The following HIF1A variants were observed in gnomAD, a reference collection of about 807,000 sequenced individuals.
HIF1A encodes the protein hypoxia-inducible factor 1-alpha.
In HIF1A, 24 loss-of-function variants were observed where a neutral mutation model predicts 92.7. The observed-to-expected ratio is 0.26, with a 90% CI of 0.19 to 0.36. The LOEUF (loss-of-function observed/expected upper bound fraction) is 0.36. Among genes scored for constraint, HIF1A ranks in the 10% least tolerant of loss-of-function variants. The pLI is 1.00. For missense variants in HIF1A, 799 were observed against 998.5 expected (o/e 0.80, Z 2.69); for synonymous variants, 319 against 338.7 (o/e 0.94, Z 0.64).
chr14:61,724,076 G>C (rs2044467755), intron 4 of HIF1A, among the ~76,000 whole-genome samples: 1 of 151,226 alleles, frequency 6.6e-6, no homozygotes, highest in Non-Finnish European at 1.5e-5. Context: ...TATTTTTAGA[G>C]AGTTTAAAAT....
chr14:61,707,205 C>T (rs2044248594), intron 1 of HIF1A, among the ~76,000 whole-genome samples: 1 of 152,114 alleles, frequency 6.6e-6, no homozygotes, highest in Non-Finnish European at 1.5e-5. Context: ...ATTGGTAACA[C>T]CTAGTTGGTG....
intron 12 of HIF1A, among the ~76,000 whole-genome samples, chr14:61,742,184 A>G (rs2044719646): frequency 6.6e-6 from 1 of 152,218 alleles, no homozygotes; most frequent in Admixed American, 6.5e-5. Context: ...TTCTGTATAT[A>G]ATTTGTAAGG....
chr14:61,724,129 T>C (rs1019071189), intron 4 of HIF1A, among the ~76,000 whole-genome samples: 1 of 143,890 alleles, frequency 6.9e-6, no homozygotes, highest in East Asian at 2.0e-4. Context: ...TTGTTTTTTG[T>C]TTTTTTTTTC....
At chr14:61,716,657 C>T (rs1410086293) in intron 1 of HIF1A, among the ~76,000 whole-genome samples, 1 of 151,912 alleles carries the variant, frequency 6.6e-6, no homozygotes, top group Non-Finnish European at 1.5e-5. Flanking sequence ...TGTTCTTAAT[C>T]TGAAGAACAA....
At chr14:61,703,421 A>G (rs935976870) in intron 1 of HIF1A, among the ~76,000 whole-genome samples, 16 of 152,164 alleles carry the variant, frequency 1.1e-4, no homozygotes, top group African/African-American at 3.9e-4. Flanking sequence ...AACACAATCT[A>G]ATTTTGGTTT....
chr14:61,708,151 G>T (rs1382357509), intron 1 of HIF1A, among the ~76,000 whole-genome samples: 2 of 151,988 alleles, frequency 1.3e-5, no homozygotes, highest in African/African-American at 2.4e-5. Flanking sequence ...TTTTGATGGG[G>T]TTGTTTTTTT....
intron 4 of HIF1A, 110 bp from the exon 5 acceptor site, chr14:61,726,596 C>G (rs2044507834): frequency 1.6e-6 from 1 of 612,128 alleles, no homozygotes; most frequent in African/African-American, 1.9e-5. Flanking sequence ...CATGCTGAGA[C>G]TTAATTGAAC....
intron 1 of HIF1A, among the ~76,000 whole-genome samples, chr14:61,696,903 A>G (rs1373216168): frequency 6.6e-6 from 1 of 152,210 alleles, no homozygotes; most frequent in Non-Finnish European, 1.5e-5. Context: ...GTTTGAGTCT[A>G]AGGGGTACAT....
intron 12 of HIF1A, among the ~76,000 whole-genome samples, chr14:61,742,139 A>T (rs577852484): frequency 1.3e-5 from 2 of 152,234 alleles, no homozygotes; most frequent in African/African-American, 2.4e-5. Context: ...AGTTCAAACA[A>T]ACATATGGAC....
At chr14:61,720,637 T>C (rs2044415819) in intron 2 of HIF1A, 65 bp downstream of exon 2, 5 of 1,041,360 alleles carry the variant, frequency 4.8e-6, no homozygotes, top group Non-Finnish European at 5.5e-6. Flanking sequence ...ATAGAAATTA[T>C]TTTTAGAAGG....
chr14:61,743,637 T>G (rs1057305439), intron 12 of HIF1A, among the ~76,000 whole-genome samples: 1 of 152,246 alleles, frequency 6.6e-6, no homozygotes, highest in Admixed American at 6.5e-5. Flanking sequence ...ACTTACCTAT[T>G]TGGCATTCTC....
chr14:61,710,974 G>A (rs2044299464), intron 1 of HIF1A, among the ~76,000 whole-genome samples: 1 of 151,292 alleles, frequency 6.6e-6, no homozygotes, highest in Admixed American at 6.6e-5. Context: ...TTGAACCTGG[G>A]AGGCGGAGGT....
At chr14:61,726,685 T>A (rs2044508825) in intron 4 of HIF1A, 21 bp from the exon 5 acceptor site, 2 of 1,494,416 alleles carry the variant, frequency 1.3e-6, no homozygotes, top group African/African-American at 1.4e-5. Context: ...GCTTTAAAAC[T>A]TTATTTCATG....
intron 1 of HIF1A, among the ~76,000 whole-genome samples, chr14:61,706,688 TC>T (rs2044242498): frequency 6.6e-6 from 1 of 152,226 alleles, no homozygotes; most frequent in African/African-American, 2.4e-5. Flanking sequence ...CTCTATGGAT[TC>T]CCAGGGACCC....
rs2044772512 is a variant in HIF1A at position 61,745,686 on chromosome 14, T to G, written c.2203-5T>G. On this transcript the variant is annotated splice_region_variant and splice_polypyrimidine_tract_variant and intron_variant, in intron 13 of 14. Coordinates refer to ENST00000337138, the MANE Select transcript of HIF1A (RefSeq NM_001530.4). ...CTAAACTTGAAATAACTTTACTGTT[T>G]ATAGGGAACATTATTACAGCAGCCA... 1 of 1,611,884 alleles carries G rather than the reference T, an allele frequency of 6.2e-7. No homozygotes were observed. Among genetic ancestry groups the G allele is most frequent in the Admixed American group, 1.7e-5 (1 of 59,748 alleles).
intron 6 of HIF1A, among the ~76,000 whole-genome samples, chr14:61,728,547 T>C (rs774963112): frequency 6.6e-6 from 1 of 152,244 alleles, no homozygotes; most frequent in Non-Finnish European, 1.5e-5. Context: ...TATTGTGGTT[T>C]AATACACCAC....
intron 1 of HIF1A, among the ~76,000 whole-genome samples, chr14:61,711,705 G>A (rs182983822): frequency 6.6e-6 from 1 of 152,148 alleles, no homozygotes; most frequent in Non-Finnish European, 1.5e-5. Context: ...TTTACCTTGT[G>A]GCTAATGCCT....
chr14:61,712,472 T>C (rs975725661), intron 1 of HIF1A, among the ~76,000 whole-genome samples: 2 of 151,350 alleles, frequency 1.3e-5, no homozygotes, highest in Non-Finnish European at 2.9e-5. Flanking sequence ...GTGATATGAC[T>C]TGATTTCTTG....
intron 10 of HIF1A, among the ~76,000 whole-genome samples, chr14:61,739,181 A>G (rs1261524075): frequency 1.3e-5 from 2 of 152,236 alleles, no homozygotes; most frequent in Non-Finnish European, 2.9e-5. Context: ...TTGGGTAAGT[A>G]TAATATGAAA....
Sources: gnomAD v4.1 joint callset for allele counts (sites outside exome capture counted in the v4.1 genomes callset) on GRCh38, gnomAD v4.1.1 for gene constraint, MANE v1.5 for transcripts, NCBI Gene and HGNC (gene_info 2026-07-23, HGNC 2026-07-21) for gene names.